Variants in ZNF226 observed in about 807,000 individuals in gnomAD.
The protein encoded by ZNF226 is Kruppel-associated box protein.
In ZNF226, 6 loss-of-function variants were observed where a neutral mutation model predicts 11.4. The observed-to-expected ratio is 0.53, with a 90% CI of 0.29 to 1.04. ZNF226 has a LOEUF of 1.04. Ranked by LOEUF, ZNF226 falls within the 50% of genes least tolerant of loss-of-function variation. The probability of loss-of-function intolerance (pLI) is 0.08; values close to 1 mark genes in which losing one functional copy is unlikely to be tolerated. For missense variants in ZNF226, 1,058 were observed against 956.5 expected (o/e 1.11, Z -1.40); for synonymous variants, 350 against 322.8 (o/e 1.08, Z -0.90).
the ZNF226 span, among the ~76,000 whole-genome samples, chr19:44,199,284 C>G: frequency 6.6e-6 from 1 of 152,072 alleles, no homozygotes; most frequent in Admixed American, 6.5e-5. Context: ...AAGTGATCCT[C>G]CAGCCTCTGC....
chr19:44,169,869 G>A (rs1228250450), intron 2 of ZNF226, among the ~76,000 whole-genome samples, 166 bp from the exon 3 acceptor site: 1 of 152,208 alleles, frequency 6.6e-6, no homozygotes, highest in Non-Finnish European at 1.5e-5. Flanking sequence ...AACTACTGCT[G>A]AAAGGGGTAG....
intron 5 of ZNF226, chr19:44,175,112 A>G (rs1233082199): frequency 6.4e-6 from 10 of 1,574,780 alleles, no homozygotes; most frequent in Non-Finnish European, 8.6e-6. Context: ...ATATGCATAC[A>G]TTCCTTGAGT....
chr19:44,197,981 A>T, the ZNF226 span, among the ~76,000 whole-genome samples: 17 of 152,334 alleles, frequency 1.1e-4, no homozygotes, highest in African/African-American at 4.1e-4. Context: ...TAAGATCTAT[A>T]TTCCATATCA....
In ZNF226 at chr19:44,176,361, G is replaced by C. The variant is rs61742486; in HGVS notation, c.1099G>C (p.Glu367Gln). ...HTAEKPYNCE[E>Q]CGRAFSQASH... The stretch of plus-strand genomic sequence containing the variant: ...GGCAGAGAAACCTTATAATTGTGAG[G>C]AGTGTGGGAGGGCCTTCAGTCAGGC... The change falls in exon 6 of 6, where the codon GAG (glutamate) becomes CAG (glutamine). Residue 367 changes from glutamate (E) to glutamine (Q), a missense_variant. Transcript: ENST00000337433. The C allele has an allele frequency of 6.2e-7, 1 of 1,614,154 alleles. No individual in the cohort carries two copies. The highest frequency in any genetic ancestry group is 1.1e-5 in the South Asian group (1 of 91,084).
chr19:44,192,612 G>A, the ZNF226 span, among the ~76,000 whole-genome samples: 1 of 152,110 alleles, frequency 6.6e-6, no homozygotes, highest in African/African-American at 2.4e-5. Context: ...CAGCAAAGTG[G>A]AACTGAGATA....
intron 5 of ZNF226, 110 bp from the exon 6 acceptor site, chr19:44,175,388 A>G: frequency 6.9e-7 from 1 of 1,443,922 alleles, no homozygotes; most frequent in Non-Finnish European, 9.1e-7. Flanking sequence ...ACAAAAGATG[A>G]GCAGAACTAT....
chr19:44,180,988 T>C (rs1322344566), downstream of ZNF226, among the ~76,000 whole-genome samples: 3 of 152,198 alleles, frequency 2.0e-5, no homozygotes, highest in Non-Finnish European at 4.4e-5. Flanking sequence ...AGTTTACTAC[T>C]CACAGTGTTT....
downstream of ZNF226, among the ~76,000 whole-genome samples, chr19:44,183,095 A>C (rs1970931856): frequency 6.6e-6 from 1 of 152,208 alleles, no homozygotes; most frequent in Admixed American, 6.5e-5. Flanking sequence ...GCACTTCTGC[A>C]AAGTGACTTG....
intron 2 of ZNF226, among the ~76,000 whole-genome samples, chr19:44,167,119 C>CA (rs1450858207): frequency 1.3e-5 from 2 of 152,140 alleles, no homozygotes; most frequent in Non-Finnish European, 2.9e-5. Flanking sequence ...TGGAGAAACT[C>CA]AGAGTCCTGA....
the ZNF226 span, among the ~76,000 whole-genome samples, chr19:44,199,110 C>T: frequency 6.6e-6 from 1 of 152,152 alleles, no homozygotes; most frequent in Admixed American, 6.5e-5. Context: ...CCTAATGTAA[C>T]TTTTCTTAAG....
At chr19:44,195,098 C>T in the ZNF226 span, among the ~76,000 whole-genome samples, 1 of 152,134 alleles carries the variant, frequency 6.6e-6, no homozygotes, top group Non-Finnish European at 1.5e-5. Flanking sequence ...TCTGTGGGAA[C>T]CAGAGTACTC....
chr19:44,176,707 A>G lies in ZNF226; in HGVS notation c.1445A>G (p.Lys482Arg). 1 of 1,614,086 alleles carries G rather than the reference A, an allele frequency of 6.2e-7. No homozygotes were observed. Among genetic ancestry groups the G allele is most frequent in the South Asian group, 1.1e-5 (1 of 91,078 alleles). The stretch of plus-strand genomic sequence containing the variant: ...TCATACATATGTACTGTATGTGGGA[A>G]AGGCTTTACTCTGAGTTCAAATCTT... ...EKSYICTVCG[K>R]GFTLSSNLQA... The change falls in exon 6 of 6, where the codon AAA (lysine) becomes AGA (arginine). Residue 482 changes from lysine to arginine, a missense_variant. By Grantham distance (26) the Lys-to-Arg change is conservative. Coordinates refer to ENST00000337433, the MANE Select transcript of ZNF226 (RefSeq NM_001032373.2).
Position 44,172,095 on chromosome 19 carries a change from T to C in ZNF226, c.23T>C (p.Val8Ala), listed in dbSNP as rs750677449. 1 of 1,611,794 alleles carries C rather than the reference T, an allele frequency of 6.2e-7. No individual in the cohort carries two copies. Among genetic ancestry groups the C allele is most frequent in the Non-Finnish European group, 8.5e-7 (1 of 1,178,480 alleles). Reference sequence around the variant, plus strand: ...CATTTGTTTTTGTCGTAGGAAGCAGTGACCTTCAAGGACGTGGCTGTGGCC... The same window carrying C: ...CATTTGTTTTTGTCGTAGGAAGCAGCGACCTTCAAGGACGTGGCTGTGGCC... Reference protein sequence around the residue: MNMFKEAVTFKDVAVAFT... With the variant: MNMFKEAATFKDVAVAFT... The change falls in exon 4 of 6, where the codon GTG (valine) becomes GCG (alanine). Residue 8 changes from valine (V) to alanine (A), a missense_variant. Coordinates refer to ENST00000337433, the MANE Select transcript of ZNF226 (RefSeq NM_001032373.2).
the ZNF226 span, among the ~76,000 whole-genome samples, chr19:44,199,050 G>A: frequency 7.5e-4 from 114 of 152,180 alleles, 1 homozygote; most frequent in East Asian, 0.02. Flanking sequence ...TGATCCGCCC[G>A]CCTTGGCTTC....
chr19:44,182,710 T>C (rs140322443), downstream of ZNF226, among the ~76,000 whole-genome samples: 114 of 152,144 alleles, frequency 7.5e-4, 1 homozygote, highest in East Asian at 0.013. Flanking sequence ...AAAAATTCAA[T>C]GAGGATGATG....
chr19:44,175,493 T>TA lies in ZNF226; in HGVS notation c.236-4dup. Reference sequence around the variant, plus strand: ...ACTATCTCTCTGAATCCTTTGTCCTTACAGGAGAGAAAAATCAAAGTAAGT... The same window carrying TA: ...ACTATCTCTCTGAATCCTTTGTCCTTAACAGGAGAGAAAAATCAAAGTAAGT... On this transcript the variant is annotated splice_polypyrimidine_tract_variant and splice_region_variant and intron_variant, in intron 5 of 5. Coordinates refer to ENST00000337433, the MANE Select transcript of ZNF226 (RefSeq NM_001032373.2). 6.4e-7 allele frequency: 1 copy of TA among 1,574,348 alleles called. No homozygotes were observed.
In ZNF226 at chr19:44,177,651, C is replaced by A. The variant is rs771308578; in HGVS notation, c.2389C>A (p.Gln797Lys). Reference sequence around the variant, plus strand: ...TGGTAAGAACATCAGAGAATCCACACAGGAAAAAAAATCTATAAAATGATT... The same window carrying A: ...TGGTAAGAACATCAGAGAATCCACAAAGGAAAAAAAATCTATAAAATGATT... ...RGGKNIRESTQEKKSIK is the reference protein window; with the variant it reads ...RGGKNIRESTKEKKSIK The change falls in exon 6 of 6, where the codon CAG becomes AAG. Residue 797 changes from glutamine (Q) to lysine (K), a missense_variant. Gln to Lys is a moderately conservative substitution (Grantham distance 53). Coordinates refer to ENST00000337433, the MANE Select transcript of ZNF226 (RefSeq NM_001032373.2). The A allele has an allele frequency of 2.5e-6, 4 of 1,583,182 alleles. No homozygotes were observed. In the South Asian group the frequency reaches 4.6e-5, roughly 18 times the overall value.
rs539193985 is a variant in ZNF226, at chr19:44,170,314, T to A, written c.15+219T>A. 2.0e-5 allele frequency among the ~76,000 whole-genome samples: 3 copies of A among 152,316 alleles called. No homozygotes were observed. In the East Asian group the frequency reaches 5.8e-4, roughly 29 times the overall value. Reference sequence around the variant, plus strand: ...AAGGTAGAAAAATTAATAGAAATGATGGGTGGGCACAGTGGCTCACACCTG... The same window carrying A: ...AAGGTAGAAAAATTAATAGAAATGAAGGGTGGGCACAGTGGCTCACACCTG... On this transcript the variant is annotated intron_variant, in intron 3 of 5. Transcript: ENST00000337433.
the ZNF226 span, among the ~76,000 whole-genome samples, chr19:44,194,223 C>T: frequency 6.6e-6 from 1 of 152,048 alleles, no homozygotes; most frequent in Non-Finnish European, 1.5e-5. Flanking sequence ...GACTGGAGTC[C>T]GTCATAGATG....
Sources: gnomAD v4.1 joint callset for allele counts (sites outside exome capture counted in the v4.1 genomes callset) on GRCh38, gnomAD v4.1.1 for gene constraint, MANE v1.5 for transcripts, NCBI Gene and HGNC (gene_info 2026-07-23, HGNC 2026-07-21) for gene names.